The following EYS variants were observed in gnomAD, a reference collection of about 807,000 sequenced individuals.
The protein encoded by EYS is EGF-like photoreceptor maintenance factor, also known as protein eyes shut homolog.
EYS carries 250 observed loss-of-function variants against 282.1 expected under a neutral mutation model. The ratio of observed to expected loss-of-function variants is 0.89; its 90% CI spans 0.80 to 0.98. The LOEUF (loss-of-function observed/expected upper bound fraction) is 0.98, where lower values mean the gene tolerates loss of function less well. Ranked by LOEUF, EYS falls within the 50% of genes least tolerant of loss-of-function variation. The pLI is 0.00. For missense variants in EYS, 4,016 were observed against 3,709.0 expected, an observed-to-expected ratio of 1.08 and a Z score of -2.15; for synonymous variants, 1,355 against 1,282.9, an observed-to-expected ratio of 1.06 and a Z score of -1.20.
chr6:65,225,292 T>C (rs1459290121), intron 12 of EYS, among the ~76,000 whole-genome samples: 3 of 149,494 alleles, frequency 2.0e-5, no homozygotes, highest in Non-Finnish European at 3.0e-5. Context: ...TTTGAATCTA[T>C]AATATAATAT....
intron 26 of EYS, among the ~76,000 whole-genome samples, chr6:64,556,941 T>C (rs1765252604): frequency 6.6e-6 from 1 of 151,892 alleles, no homozygotes; most frequent in Non-Finnish European, 1.5e-5. Flanking sequence ...GAGGTAATAT[T>C]GACAATTTTA....
intron 1 of EYS, among the ~76,000 whole-genome samples, chr6:65,654,669 C>T (rs1348962860): frequency 6.6e-6 from 1 of 151,668 alleles, no homozygotes; most frequent in Non-Finnish European, 1.5e-5. Flanking sequence ...TTAAAAAGGT[C>T]ACTCACTTCT....
At chr6:64,120,124 G>A (rs1263742408) in intron 31 of EYS, among the ~76,000 whole-genome samples, 1 of 151,542 alleles carries the variant, frequency 6.6e-6, no homozygotes, top group African/African-American at 2.4e-5. Context: ...AAGGTGGGCA[G>A]ATCACGAGGT....
chr6:64,737,792 C>T (rs903572374), intron 22 of EYS, among the ~76,000 whole-genome samples: 1 of 152,106 alleles, frequency 6.6e-6, no homozygotes, highest in Non-Finnish European at 1.5e-5. Flanking sequence ...GTTGCATGAA[C>T]CATCGAGTAA....
At chr6:64,522,634 C>T (rs73767836) in intron 26 of EYS, among the ~76,000 whole-genome samples, 7,827 of 151,780 alleles carry the variant, frequency 0.052, 680 homozygotes, top group African/African-American at 0.18. Flanking sequence ...CAAGACTGAG[C>T]AGGAGGTGTA....
At chr6:65,658,825 T>C (rs1582572359) in intron 1 of EYS, among the ~76,000 whole-genome samples, 1 of 151,698 alleles carries the variant, frequency 6.6e-6, no homozygotes, top group Admixed American at 6.6e-5. Flanking sequence ...CAAATCATAT[T>C]GTGTTTACAG....
At chr6:64,185,186 TA>T (rs1306436151) in intron 31 of EYS, among the ~76,000 whole-genome samples, 1 of 137,868 alleles carries the variant, frequency 7.3e-6, no homozygotes, top group Non-Finnish European at 1.6e-5. Context: ...AAATAAATAA[TA>T]AATATGTCAT....
At chr6:65,021,655 T>A (rs1482830934) in intron 13 of EYS, among the ~76,000 whole-genome samples, 3 of 152,192 alleles carry the variant, frequency 2.0e-5, no homozygotes, top group African/African-American at 4.8e-5. Context: ...TTTTCGGGTA[T>A]CTTTAGAGCA....
At position 63,831,131 on chromosome 6, in the gene EYS, A is replaced by G. The variant is rs1253731352; in HGVS notation, c.7229-24759T>C. ...AAAAACATGCCAAATTGTAAAGACC[A>G]TTGATGCTAAGAAGAAACTGCATTA... On this transcript the variant is annotated intron_variant, in intron 36 of 42. Coordinates refer to ENST00000503581, the MANE Select transcript of EYS (RefSeq NM_001142800.2). Among the ~76,000 whole-genome samples, 14 of 152,238 alleles carry G rather than the reference A, an allele frequency of 9.2e-5. 1 individual carries two copies. The highest frequency in any genetic ancestry group is 8.5e-4 in the Admixed American group (13 of 15,286).
At chr6:64,224,715 C>T (rs1766204494) in intron 31 of EYS, among the ~76,000 whole-genome samples, 1 of 151,794 alleles carries the variant, frequency 6.6e-6, no homozygotes, top group Non-Finnish European at 1.5e-5. Context: ...ATTGTGTTTG[C>T]ACAGATGAAA....
intron 2 of EYS, among the ~76,000 whole-genome samples, chr6:65,497,244 G>A (rs1229297183): frequency 6.6e-6 from 1 of 152,026 alleles, no homozygotes; most frequent in Non-Finnish European, 1.5e-5. Flanking sequence ...GGTATCAATG[G>A]AAGGAATTAA....
rs537158452 is a variant in EYS at position 64,989,975 on chromosome 6, T to C, written c.2259+7607A>G. The stretch of plus-strand genomic sequence containing the variant: ...AAAGAACAGAGATACACATATTCTC[T>C]ATTTGTGTAGGTACACACAAATGTA... On this transcript the variant is annotated intron_variant, in intron 14 of 42. Transcript: ENST00000503581. Among the ~76,000 whole-genome samples the C allele has an allele frequency of 1.9e-3, 283 of 151,300 alleles. 2 individuals carry two copies. The highest frequency in any genetic ancestry group is 6.7e-3 in the African/African-American group (279 of 41,428).
intron 30 of EYS, among the ~76,000 whole-genome samples, chr6:64,278,136 G>A (rs1043014480): frequency 1.3e-5 from 2 of 152,104 alleles, no homozygotes; most frequent in African/African-American, 4.8e-5. Context: ...GATGCCTTAT[G>A]AGATAGTAAA....
intron 5 of EYS, among the ~76,000 whole-genome samples, chr6:65,429,879 T>C (rs535137844): frequency 6.6e-6 from 1 of 152,276 alleles, no homozygotes; most frequent in South Asian, 2.1e-4. Flanking sequence ...ATAGTCAATG[T>C]TTTATAATAA....
At position 65,345,778 on chromosome 6, in the gene EYS, G is replaced by A. The variant is rs941543784; in HGVS notation, c.1460-1601C>T. On this transcript the variant is annotated intron_variant, in intron 9 of 42. Transcript: ENST00000503581. ...AATTAAAAAAATAAATAAAACAAAC[G>A]TTTTAACCCACAAAAAAGAGTGAGA... Among the ~76,000 whole-genome samples the A allele has an allele frequency of 3.3e-5, 5 of 150,632 alleles. No individual in the cohort carries two copies. In the East Asian group the frequency reaches 7.9e-4, roughly 24 times the overall value.
At chr6:64,167,133 A>G (rs1414409623) in intron 31 of EYS, among the ~76,000 whole-genome samples, 1 of 152,194 alleles carries the variant, frequency 6.6e-6, no homozygotes, top group East Asian at 1.9e-4. Context: ...ATCTTTCTGT[A>G]CTTTCTATTA....
intron 19 of EYS, among the ~76,000 whole-genome samples, chr6:64,859,216 TA>T (rs1766160372): frequency 6.8e-6 from 1 of 147,960 alleles, no homozygotes; most frequent in Admixed American, 6.8e-5. Context: ...AAAATATTTA[TA>T]TCTAATATAT....
chr6:64,042,635 C>G (rs1374078844), intron 33 of EYS, among the ~76,000 whole-genome samples: 1 of 152,208 alleles, frequency 6.6e-6, no homozygotes, highest in Admixed American at 6.5e-5. Context: ...CTTCTTGTGA[C>G]TGAATGGAAA....
chr6:63,722,946 T>G (rs1212199082), intron 42 of EYS, among the ~76,000 whole-genome samples: 1 of 152,236 alleles, frequency 6.6e-6, no homozygotes, highest in African/African-American at 2.4e-5. Context: ...GATATTTGGT[T>G]AACAGCTGCT....
Sources: allele counts gnomAD v4.1 joint callset (sites outside exome capture counted in the v4.1 genomes callset), GRCh38; gene constraint gnomAD v4.1.1; transcripts MANE v1.5; gene names NCBI Gene and HGNC (gene_info 2026-07-23, HGNC 2026-07-21).